Variants in AGBL1 observed in about 807,000 individuals in gnomAD.
The protein encoded by AGBL1 is cytosolic carboxypeptidase 4.
AGBL1 carries 130 observed loss-of-function variants against 118.9 expected under a neutral mutation model. The ratio of observed to expected loss-of-function variants is 1.09; its 90% confidence interval spans 0.95 to 1.26. The LOEUF is 1.26. AGBL1 is among the 50% of genes most tolerant of loss of function. The probability of loss-of-function intolerance (pLI) is 0.00; values close to 1 mark genes in which losing one functional copy is unlikely to be tolerated. For synonymous variants in AGBL1, 555 were observed against 478.9 expected, an observed-to-expected ratio of 1.16 and a Z score of -2.08; for missense variants, 1,584 against 1,298.1, an observed-to-expected ratio of 1.22 and a Z score of -3.38.
intron 17 of AGBL1, among the ~76,000 whole-genome samples, chr15:86,389,499 A>G (rs1372012388): frequency 1.3e-5 from 2 of 152,224 alleles, no homozygotes; most frequent in African/African-American, 2.4e-5. Flanking sequence ...CACTGCCAGC[A>G]GATTCATATC....
chr15:86,936,652 C>A (rs1221932470), intron 23 of AGBL1, among the ~76,000 whole-genome samples: 2 of 152,134 alleles, frequency 1.3e-5, no homozygotes, highest in Non-Finnish European at 2.9e-5. Context: ...AAAATCAACA[C>A]AAGATGAATT....
At chr15:86,418,152 A>G (rs760750697) in intron 18 of AGBL1, among the ~76,000 whole-genome samples, 17 of 152,110 alleles carry the variant, frequency 1.1e-4, no homozygotes, top group Non-Finnish European at 1.8e-4. Context: ...AGCTGACAAG[A>G]ATTTCTTTTA....
Position 86,965,412 on chromosome 15 carries a change from G to T in AGBL1, c.3222-22575G>T, listed in dbSNP as rs532702704. On this transcript the variant is annotated intron_variant, in intron 23 of 24. Transcript: ENST00000441037. Reference sequence around the variant, plus strand: ...GATGAACTTTTTTTTTCATGTGTTTGTTGGCCGCATAAATGTCTTCTTTTG... The same window carrying T: ...GATGAACTTTTTTTTTCATGTGTTTTTTGGCCGCATAAATGTCTTCTTTTG... 8.5e-4 allele frequency among the ~76,000 whole-genome samples: 129 copies of T among 152,028 alleles called. 1 individual carries two copies. The Middle Eastern group carries it at 0.01, about 12-fold the overall frequency.
intron 18 of AGBL1, among the ~76,000 whole-genome samples, chr15:86,477,543 A>T (rs2082579484): frequency 6.6e-6 from 1 of 152,194 alleles, no homozygotes; most frequent in South Asian, 2.1e-4. Context: ...AAGAAGTTGA[A>T]TCTCTGAATA....
chr15:86,145,939 G>A (rs1479011998), intron 3 of AGBL1, among the ~76,000 whole-genome samples: 2 of 152,204 alleles, frequency 1.3e-5, no homozygotes, highest in Non-Finnish European at 2.9e-5. Flanking sequence ...TGACATTGGA[G>A]CTAAAACTTG....
chr15:86,505,846 C>A, intron 18 of AGBL1, among the ~76,000 whole-genome samples: 1 of 151,650 alleles, frequency 6.6e-6, no homozygotes, highest in South Asian at 2.1e-4. Context: ...TTTTTAATAT[C>A]TCATAAATTT....
At chr15:86,749,079 G>A (rs1333404511) in intron 22 of AGBL1, among the ~76,000 whole-genome samples, 2 of 152,062 alleles carry the variant, frequency 1.3e-5, no homozygotes, top group African/African-American at 2.4e-5. Context: ...GGATGGGATT[G>A]AATTTATAAA....
intron 18 of AGBL1, among the ~76,000 whole-genome samples, chr15:86,404,908 C>G (rs1235116948): frequency 6.6e-6 from 1 of 152,072 alleles, no homozygotes; most frequent in East Asian, 1.9e-4. Context: ...TTTCCAGGAA[C>G]AGGGAAAATT....
intron 5 of AGBL1, among the ~76,000 whole-genome samples, chr15:86,188,814 TA>T (rs1465625973): frequency 1.3e-5 from 2 of 152,212 alleles, no homozygotes; most frequent in Non-Finnish European, 2.9e-5. Context: ...TGCAGTAAAC[TA>T]TTTTCAAAGT....
intron 18 of AGBL1, among the ~76,000 whole-genome samples, chr15:86,511,395 T>A (rs2083050891): frequency 6.6e-6 from 1 of 152,062 alleles, no homozygotes; most frequent in African/African-American, 2.4e-5. Context: ...AGCAGACACC[T>A]TTCATTTCTG....
intron 16 of AGBL1, among the ~76,000 whole-genome samples, chr15:86,288,055 A>G (rs879693470): frequency 5.3e-5 from 8 of 152,186 alleles, no homozygotes; most frequent in Non-Finnish European, 1.0e-4. Context: ...CACAGCACTT[A>G]CACACTACGG....
At chr15:86,388,361 G>C (rs1480552049) in intron 17 of AGBL1, among the ~76,000 whole-genome samples, 2 of 152,098 alleles carry the variant, frequency 1.3e-5, no homozygotes, top group Non-Finnish European at 2.9e-5. Context: ...CCTGTTAGCA[G>C]CTCTATTAAA....
At chr15:86,662,816 C>T (rs981086698) in intron 21 of AGBL1, among the ~76,000 whole-genome samples, 2 of 152,164 alleles carry the variant, frequency 1.3e-5, no homozygotes, top group Non-Finnish European at 1.5e-5. Flanking sequence ...TCTTACCTAA[C>T]AAAAACTACT....
chr15:86,819,738 A>G (rs543960986), intron 22 of AGBL1, among the ~76,000 whole-genome samples: 17 of 152,340 alleles, frequency 1.1e-4, no homozygotes, highest in African/African-American at 4.1e-4. Flanking sequence ...TATAGATTCA[A>G]TGCTATCCCC....
At chr15:86,660,307 C>G (rs2085518826) in intron 21 of AGBL1, among the ~76,000 whole-genome samples, 1 of 151,942 alleles carries the variant, frequency 6.6e-6, no homozygotes, top group South Asian at 2.1e-4. Flanking sequence ...TCCTAGACTT[C>G]CATTATTGCT....
At position 86,295,413 on chromosome 15, in the gene AGBL1, G is replaced by A; in HGVS notation, c.2374+5G>A. 1 of 1,549,368 alleles carries A rather than the reference G, an allele frequency of 6.5e-7. No homozygotes were observed. Among genetic ancestry groups the A allele is most frequent in the Non-Finnish European group, 8.7e-7 (1 of 1,150,990 alleles). ...ATGAGCATCTAGAGCAGTTCCGTGA[G>A]TAAAATGGGATCCTCTTCGTAGAAG... On this transcript the variant is annotated splice_donor_5th_base_variant and intron_variant, in intron 17 of 22. Coordinates refer to ENST00000614907, the MANE Select transcript of AGBL1 (RefSeq NM_001386094.1).
At chr15:86,285,579 C>T (rs371876269) in intron 16 of AGBL1, among the ~76,000 whole-genome samples, 21 of 152,050 alleles carry the variant, frequency 1.4e-4, no homozygotes, top group South Asian at 2.1e-4. Context: ...GCCGTGATTG[C>T]GAGGCCTCTC....
At chr15:86,707,293 G>T (rs552465081) in intron 22 of AGBL1, among the ~76,000 whole-genome samples, 14 of 152,152 alleles carry the variant, frequency 9.2e-5, no homozygotes, top group African/African-American at 3.4e-4. Flanking sequence ...ATAAATCCAG[G>T]TATATAGTCA....
At chr15:86,921,581 A>C (rs1172333612) in intron 23 of AGBL1, among the ~76,000 whole-genome samples, 5 of 152,012 alleles carry the variant, frequency 3.3e-5, no homozygotes, top group Non-Finnish European at 7.4e-5. Flanking sequence ...GAAACTCAAT[A>C]TTTTCTTTTA....
Sources: gnomAD v4.1 joint callset for allele counts (sites outside exome capture counted in the v4.1 genomes callset) on GRCh38, gnomAD v4.1.1 for gene constraint, MANE v1.5 for transcripts, NCBI Gene and HGNC (gene_info 2026-07-23, HGNC 2026-07-21) for gene names.